SPOCK3: variants seen among roughly 807,000 people sequenced by gnomAD.
SPOCK3 encodes the protein testican-3.
SPOCK3 carries 30 observed loss-of-function variants against 56.6 expected under a neutral mutation model. The ratio of observed to expected loss-of-function variants is 0.53; its 90% CI spans 0.40 to 0.72. SPOCK3 has a LOEUF of 0.72. SPOCK3 is among the 30% of genes least tolerant of loss of function. SPOCK3 has a pLI of 0.00. For synonymous variants in SPOCK3, 196 were observed against 183.3 expected (o/e 1.07, Z -0.56); for missense variants, 527 against 530.0 (o/e 0.99, Z 0.06).
intron 7 of SPOCK3, among the ~76,000 whole-genome samples, chr4:166,778,852 G>C (rs1157668513): frequency 6.6e-6 from 1 of 151,996 alleles, no homozygotes; most frequent in Non-Finnish European, 1.5e-5. Context: ...TAAGTTGGGG[G>C]TAGGCAGAGT....
At chr4:166,737,339 C>T in intron 10 of SPOCK3, 128 bp downstream of exon 10, 2 of 988,176 alleles carry the variant, frequency 2.0e-6, no homozygotes, top group South Asian at 4.3e-5. Context: ...GTCACTCCCT[C>T]CACCCTAGAT....
chr4:166,733,974 A>C lies in SPOCK3; in HGVS notation c.*947T>G, dbSNP rs1248341205. 1.3e-5 allele frequency: 2 copies of C among 152,226 alleles called. No homozygotes were observed. Among genetic ancestry groups the C allele is most frequent in the Non-Finnish European group, 3.0e-5 (2 of 67,774 alleles). The allele number at this position is 152,226 out of a possible 1,614,324, so 9.4% of individuals were successfully genotyped here. ...CATACAATAAGTTCTCTAAGTTTCC[A>C]CACTACTAACAAAAATAACATAATT... On this transcript the variant is annotated 3_prime_UTR_variant, in exon 11 of 11. Coordinates refer to ENST00000357545, the MANE Select transcript of SPOCK3 (RefSeq NM_001040159.2).
intron 7 of SPOCK3, among the ~76,000 whole-genome samples, chr4:166,771,155 G>A (rs1738885463): frequency 4.6e-5 from 7 of 150,870 alleles, no homozygotes; most frequent in Admixed American, 4.6e-4. Flanking sequence ...TGTTTAAAAA[G>A]TTCAGAATAA....
chr4:167,094,492 C>T (rs1580271628), intron 2 of SPOCK3, among the ~76,000 whole-genome samples: 1 of 151,894 alleles, frequency 6.6e-6, no homozygotes, highest in African/African-American at 2.4e-5. Context: ...GTAATCCACC[C>T]ATATCAAAAA....
rs141579756 is a variant in SPOCK3, at chr4:166,889,183, T to C, written c.536A>G (p.His179Arg). The change falls in exon 6 of 11, where the codon CAT (histidine) becomes CGT (arginine). Residue 179 changes from histidine (H) to arginine (R), a missense_variant. Transcript: ENST00000357545. ...GKQISVKCEG[H>R]CPCPSDKPTS... is the part of the protein sequence containing the mutation. ...GGGCTTATCTGAAGGACATGGGCAATGTCCTTCACATTTGACTGAGATCTG... is the reference window on the plus strand; with the variant it reads ...GGGCTTATCTGAAGGACATGGGCAACGTCCTTCACATTTGACTGAGATCTG... 6.2e-6 allele frequency: 10 copies of C among 1,612,428 alleles called. No individual in the cohort carries two copies. The highest frequency in any genetic ancestry group is 7.6e-6 in the Non-Finnish European group (9 of 1,178,926).
At chr4:167,167,556 A>G (rs917517644) in intron 2 of SPOCK3, among the ~76,000 whole-genome samples, 2 of 152,162 alleles carry the variant, frequency 1.3e-5, no homozygotes, top group African/African-American at 2.4e-5. Context: ...TAAGAGCATG[A>G]AGGAAAATTA....
chr4:166,934,265 T>C (rs1477149011), intron 4 of SPOCK3, among the ~76,000 whole-genome samples: 1 of 150,188 alleles, frequency 6.7e-6, no homozygotes, highest in Non-Finnish European at 1.5e-5. Context: ...CCGAGACTGG[T>C]GGATCACCAG....
chr4:167,030,984 T>A (rs1044253873), intron 3 of SPOCK3, among the ~76,000 whole-genome samples: 6 of 152,010 alleles, frequency 3.9e-5, no homozygotes, highest in Admixed American at 3.9e-4. Flanking sequence ...AGTTTTAAAA[T>A]TTTTCTCTCA....
chr4:167,068,459 C>T (rs1756373011), intron 2 of SPOCK3, among the ~76,000 whole-genome samples: 1 of 151,372 alleles, frequency 6.6e-6, no homozygotes, highest in Non-Finnish European at 1.5e-5. Flanking sequence ...GGAAAACATT[C>T]TAGTAATTGT....
chr4:167,137,323 G>A (rs765627617), intron 2 of SPOCK3, among the ~76,000 whole-genome samples: 1 of 151,882 alleles, frequency 6.6e-6, no homozygotes, highest in Non-Finnish European at 1.5e-5. Context: ...ATGGGATCTA[G>A]TGGAAAATAA....
intron 2 of SPOCK3, among the ~76,000 whole-genome samples, chr4:167,125,190 T>TA (rs1762161538): frequency 3.7e-5 from 5 of 135,800 alleles, no homozygotes; most frequent in Admixed American, 2.3e-4. Flanking sequence ...GCACAGAGAT[T>TA]TTTTATTTAT....
At chr4:166,823,572 C>T (rs574328476) in intron 6 of SPOCK3, among the ~76,000 whole-genome samples, 18 of 152,050 alleles carry the variant, frequency 1.2e-4, no homozygotes, top group Non-Finnish European at 2.4e-4. Context: ...ATTTAAGGGT[C>T]AGGGAACACT....
chr4:167,116,818 TATATATATAAAA>T (rs1761445283), intron 2 of SPOCK3, among the ~76,000 whole-genome samples: 1 of 140,998 alleles, frequency 7.1e-6, no homozygotes, highest in African/African-American at 2.6e-5. Context: ...CATATAGATG[TATATATATAAAA>T]GTATATATAT....
intron 2 of SPOCK3, among the ~76,000 whole-genome samples, chr4:167,180,581 C>A (rs1303064830): frequency 6.6e-6 from 1 of 152,146 alleles, no homozygotes; most frequent in Non-Finnish European, 1.5e-5. Flanking sequence ...AAGGTGGTCT[C>A]ATTTTTATGC....
At chr4:166,815,875 G>T (rs1235843520) in intron 6 of SPOCK3, among the ~76,000 whole-genome samples, 1 of 152,066 alleles carries the variant, frequency 6.6e-6, no homozygotes, top group African/African-American at 2.4e-5. Flanking sequence ...TGAGGAAACT[G>T]AGACTTAGAT....
In SPOCK3 at chr4:166,959,569, A is replaced by G. The variant is rs185759709; in HGVS notation, c.350+40780T>C. On this transcript the variant is annotated intron_variant, in intron 4 of 10. Coordinates refer to ENST00000357545, the MANE Select transcript of SPOCK3 (RefSeq NM_001040159.2). ...GGAGGTTGCAGTGAGCTGAGATCGCACCATTGCACTCCAGCCTGGGCAACA... is the reference window on the plus strand; with the variant it reads ...GGAGGTTGCAGTGAGCTGAGATCGCGCCATTGCACTCCAGCCTGGGCAACA... Among the ~76,000 whole-genome samples, 601 of 151,850 alleles carry G rather than the reference A, an allele frequency of 4.0e-3. 16 individuals carry two copies. Among genetic ancestry groups the G allele is most frequent in the Admixed American group, 0.034 (519 of 15,242 alleles).
chr4:166,865,918 T>C (rs1731781256), intron 6 of SPOCK3, among the ~76,000 whole-genome samples: 1 of 152,052 alleles, frequency 6.6e-6, no homozygotes, highest in South Asian at 2.1e-4. Context: ...TTCACAGAAT[T>C]AGAAAAAACT....
intron 2 of SPOCK3, among the ~76,000 whole-genome samples, chr4:167,063,625 T>C (rs1755819565): frequency 6.6e-6 from 1 of 151,896 alleles, no homozygotes; most frequent in East Asian, 1.9e-4. Flanking sequence ...AACCATCACC[T>C]GAATAGCGTA....
At chr4:166,909,729 T>G (rs1737050173) in intron 5 of SPOCK3, among the ~76,000 whole-genome samples, 1 of 152,132 alleles carries the variant, frequency 6.6e-6, no homozygotes, top group Admixed American at 6.6e-5. Flanking sequence ...TGGACCCTAC[T>G]GAGCTTAGAA....
Sources: allele counts gnomAD v4.1 joint callset (sites outside exome capture counted in the v4.1 genomes callset), GRCh38; gene constraint gnomAD v4.1.1; transcripts MANE v1.5; gene names NCBI Gene and HGNC (gene_info 2026-07-23, HGNC 2026-07-21).